Variants in CSMD1 observed in about 807,000 individuals in gnomAD.
CSMD1 encodes the protein CUB and Sushi multiple domains 1, also known as CUB and sushi domain-containing protein 1.
CSMD1 carries 213 observed loss-of-function variants against 417.5 expected under a neutral mutation model. The ratio of observed to expected loss-of-function variants is 0.51; its 90% CI spans 0.46 to 0.57. The LOEUF (loss-of-function observed/expected upper bound fraction) is 0.57, where lower values mean the gene tolerates loss of function less well. Ranked by LOEUF, CSMD1 falls within the 20% of genes least tolerant of loss-of-function variation. The pLI is 0.00. For synonymous variants in CSMD1, 2,862 were observed against 1,736.8 expected, an observed-to-expected ratio of 1.65 and a Z score of -16.11; for missense variants, 6,923 against 4,529.7, an observed-to-expected ratio of 1.53 and a Z score of -15.17.
chr8:4,083,599 C>G (rs1318073487), intron 3 of CSMD1, among the ~76,000 whole-genome samples: 1 of 152,074 alleles, frequency 6.6e-6, no homozygotes, highest in Admixed American at 6.6e-5. Flanking sequence ...GAAAGGATTC[C>G]CTATTTAATT....
intron 5 of CSMD1, among the ~76,000 whole-genome samples, chr8:3,833,978 C>A (rs78053211): frequency 6.6e-6 from 1 of 152,092 alleles, no homozygotes; most frequent in South Asian, 2.1e-4. Flanking sequence ...CTTTCCTATA[C>A]GGTTTGAACA....
intron 26 of CSMD1, among the ~76,000 whole-genome samples, chr8:3,267,129 G>A (rs976180619): frequency 2.6e-5 from 4 of 152,152 alleles, no homozygotes; most frequent in Non-Finnish European, 1.5e-5. Flanking sequence ...CCACCCAGAG[G>A]TCGTCCCGCG....
chr8:3,208,821 G>A (rs1315774449), intron 30 of CSMD1, among the ~76,000 whole-genome samples: 1 of 152,122 alleles, frequency 6.6e-6, no homozygotes, highest in Non-Finnish European at 1.5e-5. Flanking sequence ...CTCCTGTGCT[G>A]GATGCTTCTT....
At chr8:3,178,807 A>G (rs899392940) in intron 37 of CSMD1, among the ~76,000 whole-genome samples, 4 of 152,158 alleles carry the variant, frequency 2.6e-5, no homozygotes, top group Admixed American at 2.6e-4. Context: ...GGCAGTCCAT[A>G]TCTTAAAATA....
At chr8:4,974,577 C>T (rs192197237) in intron 1 of CSMD1, among the ~76,000 whole-genome samples, 10 of 151,962 alleles carry the variant, frequency 6.6e-5, no homozygotes, top group African/African-American at 2.4e-4. Flanking sequence ...TTGGAGTCGA[C>T]GTTTTATGTA....
chr8:3,504,064 T>C (rs1365960766), intron 10 of CSMD1, among the ~76,000 whole-genome samples: 1 of 152,082 alleles, frequency 6.6e-6, no homozygotes, highest in South Asian at 2.1e-4. Context: ...CAATTTGCTG[T>C]GTATTTCAAA....
intron 1 of CSMD1, among the ~76,000 whole-genome samples, chr8:4,974,151 A>T (rs1810408817): frequency 6.6e-6 from 1 of 150,716 alleles, no homozygotes; most frequent in East Asian, 2.0e-4. Flanking sequence ...CGAGTAGCTG[A>T]GATTACAGGC....
intron 3 of CSMD1, among the ~76,000 whole-genome samples, chr8:4,233,313 G>A (rs1046106003): frequency 1.3e-5 from 2 of 152,182 alleles, no homozygotes; most frequent in East Asian, 3.9e-4. Flanking sequence ...AAATTTGAAT[G>A]TTAAAAACCT....
In CSMD1 at chr8:3,500,324, T is replaced by C. The variant is rs7003581; in HGVS notation, c.1345-6598A>G. Among the ~76,000 whole-genome samples, 771 of 151,452 alleles carry C rather than the reference T, an allele frequency of 5.1e-3. 8 individuals are homozygous for C. The highest frequency in any genetic ancestry group is 0.018 in the African/African-American group (730 of 41,516). On this transcript the variant is annotated intron_variant, in intron 10 of 69. Transcript: ENST00000635120. ...AGACATCTCGATGTCTGCTAAGCTT[T>C]GCATGACTTTTAGACATTTCTAGAT...
At chr8:4,205,613 C>T (rs1435574871) in intron 3 of CSMD1, among the ~76,000 whole-genome samples, 1 of 152,178 alleles carries the variant, frequency 6.6e-6, no homozygotes, top group Non-Finnish European at 1.5e-5. Context: ...CTGACAATTT[C>T]CACCCAGGAG....
At chr8:4,405,990 G>C (rs993055689) in intron 3 of CSMD1, among the ~76,000 whole-genome samples, 1 of 152,184 alleles carries the variant, frequency 6.6e-6, no homozygotes, top group African/African-American at 2.4e-5. Flanking sequence ...AGACATGGCT[G>C]TGACGAGTGA....
intron 33 of CSMD1, among the ~76,000 whole-genome samples, chr8:3,191,258 T>C (rs1402519194): frequency 6.6e-6 from 1 of 151,996 alleles, no homozygotes; most frequent in Non-Finnish European, 1.5e-5. Flanking sequence ...AGTTCGTTTA[T>C]CAGCCTGGCC....
chr8:3,076,073 G>T (rs76527168), intron 49 of CSMD1, among the ~76,000 whole-genome samples: 7 of 141,152 alleles, frequency 5.0e-5, no homozygotes, highest in African/African-American at 1.8e-4. Flanking sequence ...AAAAAAAAAA[G>T]ACGTTGTCAC....
intron 3 of CSMD1, among the ~76,000 whole-genome samples, chr8:4,179,740 C>T (rs536857447): frequency 1.3e-4 from 6 of 44,994 alleles, no homozygotes; most frequent in Admixed American, 6.1e-4. Flanking sequence ...AAGAAAAAAA[C>T]AAACAACCCC....
At chr8:3,741,863 C>G (rs970578641) in intron 6 of CSMD1, among the ~76,000 whole-genome samples, 1 of 152,082 alleles carries the variant, frequency 6.6e-6, no homozygotes, top group African/African-American at 2.4e-5. Context: ...TCTTGTGGAC[C>G]AAAGGTAAAG....
At chr8:4,767,734 G>A (rs1438355152) in intron 1 of CSMD1, among the ~76,000 whole-genome samples, 2 of 152,112 alleles carry the variant, frequency 1.3e-5, no homozygotes, top group Non-Finnish European at 2.9e-5. Flanking sequence ...CTGTGCTCAG[G>A]CTTGATTTTG....
At chr8:3,106,828 C>G in intron 45 of CSMD1, 187 bp from the exon 46 acceptor site, 2 of 479,098 alleles carry the variant, frequency 4.2e-6, no homozygotes, top group Non-Finnish European at 7.4e-6. Context: ...TAAAAATGCT[C>G]TATTAAGCTT....
intron 4 of CSMD1, among the ~76,000 whole-genome samples, chr8:4,007,937 C>T (rs557921334): frequency 6.6e-6 from 1 of 152,110 alleles, no homozygotes; most frequent in Admixed American, 6.5e-5. Context: ...GCCTCAAGAA[C>T]TCTTAATAGA....
chr8:3,240,609 C>T (rs1047931516), intron 26 of CSMD1, among the ~76,000 whole-genome samples: 1 of 152,058 alleles, frequency 6.6e-6, no homozygotes, highest in South Asian at 2.1e-4. Context: ...GGGTAATCTG[C>T]TGAGCCTGAT....
Sources: gnomAD v4.1 joint callset for allele counts (sites outside exome capture counted in the v4.1 genomes callset) on GRCh38, gnomAD v4.1.1 for gene constraint, MANE v1.5 for transcripts, NCBI Gene and HGNC (gene_info 2026-07-23, HGNC 2026-07-21) for gene names.